The following TTLL10 variants were observed in gnomAD, a reference collection of about 807,000 sequenced individuals.
TTLL10 encodes the protein inactive polyglycylase TTLL10.
A neutral mutation model predicts 69.0 loss-of-function variants in TTLL10; 61 were observed. The ratio of observed to expected loss-of-function variants is 0.88; its 90% CI spans 0.72 to 1.09. TTLL10 has a LOEUF of 1.09. Ranked by LOEUF, TTLL10 falls within the 50% of genes least tolerant of loss-of-function variation. The pLI, the probability that TTLL10 is intolerant of heterozygous loss-of-function variation, is 0.00. For missense variants in TTLL10, 962 were observed against 945.9 expected (o/e 1.02, Z -0.22); for synonymous variants, 408 against 393.3 (o/e 1.04, Z -0.44).
intron 3 of TTLL10, among the ~76,000 whole-genome samples, chr1:1,176,979 T>C (rs1646888569): frequency 1.3e-5 from 2 of 152,186 alleles, no homozygotes; most frequent in Admixed American, 1.3e-4. Context: ...TCCCCTTTTC[T>C]CTTCCTCTGT....
At chr1:1,191,393 T>C (rs1292539650) in intron 13 of TTLL10, among the ~76,000 whole-genome samples, 2 of 152,066 alleles carry the variant, frequency 1.3e-5, no homozygotes, top group Non-Finnish European at 2.9e-5. Context: ...GGAGTTTGAG[T>C]CCAGCCTGGG....
At chr1:1,196,857 T>C (rs905953125) in intron 14 of TTLL10, 141 bp downstream of exon 14, 5 of 771,092 alleles carry the variant, frequency 6.5e-6, no homozygotes, top group African/African-American at 3.4e-5. Context: ...TGGGGATGGG[T>C]GTATCCATGA....
intron 7 of TTLL10, 33 bp from the exon 8 acceptor site, chr1:1,180,698 C>CCCTCCACA (rs765801208): frequency 6.3e-7 from 1 of 1,589,454 alleles, no homozygotes; most frequent in Non-Finnish European, 8.6e-7. Flanking sequence ...GTCCTGCGCT[C>CCCTCCACA]CCTCCACACG....
rs1215983804 is a variant in TTLL10, at chr1:1,181,769, C to A, written c.784C>A (p.Leu262Met). 1 of 1,608,610 alleles carries A rather than the reference C, an allele frequency of 6.2e-7. No individual in the cohort carries two copies. Among genetic ancestry groups the A allele is most frequent in the African/African-American group, 1.3e-5 (1 of 75,028 alleles). Reference sequence around the variant, plus strand: ...GGAAAAGGACGCAGCAGCGCCCGCCCTGGAGGACCTCCCGTGGACAAGCCC... The same window carrying A: ...GGAAAAGGACGCAGCAGCGCCCGCCATGGAGGACCTCCCGTGGACAAGCCC... ...RLEKDAAAPA[L>M]EDLPWTSPGY... is the part of the protein sequence containing the mutation. The change falls in exon 9 of 16, where the codon CTG becomes ATG. Residue 262 changes from leucine to methionine, a missense_variant. Transcript: ENST00000379289. The surrounding 1 kb of genome is among the most constrained non-coding windows in gnomAD (Gnocchi z 4.6).
rs1275970430 is a variant in TTLL10, at chr1:1,185,814, ACT to A, written c.1401+712_1401+713del. 1 of 985,104 alleles carries A rather than the reference ACT, an allele frequency of 1.0e-6. No individual in the cohort carries two copies. The allele number at this position is 985,104 out of a possible 1,614,324, so 61.0% of individuals were successfully genotyped here. A position where few individuals can be genotyped will look rare whatever the true frequency, so the allele number is the denominator to read the frequency against. ...CAGTTACTTTCCTCACATCTCCCAA[ACT>A]CTCTCTTAATTGCGATAATTCACAG... On this transcript the variant is annotated intron_variant, in intron 13 of 15. Coordinates refer to ENST00000379289, the MANE Select transcript of TTLL10 (RefSeq NM_001130045.2). The surrounding 1 kb of genome is among the most constrained non-coding windows in gnomAD (Gnocchi z 6.1).
chr1:1,183,626 G>T (rs180930839), intron 11 of TTLL10, among the ~76,000 whole-genome samples: 1 of 152,172 alleles, frequency 6.6e-6, no homozygotes, highest in Admixed American at 6.5e-5. Flanking sequence ...CCTAGCGCCC[G>T]CCTGGCGCGC....
chr1:1,179,505 C>A (rs1436987400), intron 4 of TTLL10, 152 bp from the exon 5 acceptor site: 1 of 1,349,066 alleles, frequency 7.4e-7, no homozygotes, highest in Non-Finnish European at 1.0e-6. Context: ...CCGGGCTCTG[C>A]AGGCACAGAG....
chr1:1,197,524 A>G lies in TTLL10; in HGVS notation c.1699A>G (p.Asn567Asp). The G allele has an allele frequency of 6.5e-7, 1 of 1,536,936 alleles. No individual in the cohort carries two copies. The highest frequency in any genetic ancestry group is 1.2e-5 in the South Asian group (1 of 83,314). Residue 567 changes from asparagine (N) to aspartate (D), a missense_variant, in exon 16 of 16, where the codon AAC (asparagine) becomes GAC (aspartate). Asn to Asp is a conservative substitution (Grantham distance 23, BLOSUM62 1). Transcript: ENST00000379289. ...CCAGCGCCGCTTCGTGCTCCTGCAC[A>G]ACGGTGAGGCCGACCCGCGGCCGCA... ...LSQRRFVLLHNGEADPRPHLG... is the reference protein window; with the variant it reads ...LSQRRFVLLHDGEADPRPHLG...
intron 11 of TTLL10, among the ~76,000 whole-genome samples, 180 bp downstream of exon 11, chr1:1,183,227 C>T (rs928129607): frequency 9.9e-5 from 15 of 152,160 alleles, no homozygotes; most frequent in Non-Finnish European, 1.8e-4. Context: ...CACACCAGGC[C>T]GGGGTCACAG....
chr1:1,197,070 G>A (rs1405804854), intron 14 of TTLL10, 23 bp from the exon 15 acceptor site: 2 of 1,550,538 alleles, frequency 1.3e-6, no homozygotes, highest in Admixed American at 2.0e-5. Context: ...GGGTGAGGAG[G>A]GACTGACTGG....
intron 4 of TTLL10, 128 bp downstream of exon 4, chr1:1,179,461 C>T: frequency 8.1e-7 from 1 of 1,236,568 alleles, no homozygotes; most frequent in Non-Finnish European, 1.1e-6. Flanking sequence ...ATGGCCATGC[C>T]CCGCTGCTCC....
chr1:1,176,846 C>A (rs1646884620), intron 3 of TTLL10, among the ~76,000 whole-genome samples: 1 of 152,230 alleles, frequency 6.6e-6, no homozygotes, highest in South Asian at 2.1e-4. Context: ...CCCGGTGTTG[C>A]ATTTTTAATT....
At chr1:1,174,148 C>T (rs1053641951) in intron 1 of TTLL10, 137 bp from the exon 2 acceptor site, 1 of 141,628 alleles carries the variant, frequency 7.1e-6, no homozygotes, top group African/African-American at 2.5e-5. Context: ...GGCCGGGGAA[C>T]GGTGTGTGTA....
chr1:1,183,696 C>G (rs1318850637), intron 11 of TTLL10, among the ~76,000 whole-genome samples: 1 of 152,260 alleles, frequency 6.6e-6, no homozygotes, highest in African/African-American at 2.4e-5. Context: ...GCCCTCCAGG[C>G]TCCTACTGCG....
Position 1,185,425 on chromosome 1 carries a change from C to T in TTLL10, c.1401+316C>T. On this transcript the variant is annotated intron_variant, in intron 13 of 15. Transcript: ENST00000379289. This position sits in a 1 kb window ranked among gnomAD's most constrained non-coding sequence, Gnocchi z 6.1. Reference sequence around the variant, plus strand: ...AGCCACCATGTGAAGAGTCTTTGTTCCTTTCAGATCCTCCACTTGGCAGGC... The same window carrying T: ...AGCCACCATGTGAAGAGTCTTTGTTTCTTTCAGATCCTCCACTTGGCAGGC... The T allele has an allele frequency of 8.5e-7, 1 of 1,170,258 alleles. No homozygotes were observed. Among genetic ancestry groups the T allele is most frequent in the Non-Finnish European group, 1.1e-6 (1 of 946,580 alleles). The allele number at this position is 1,170,258 out of a possible 1,614,324, so 72.5% of individuals were successfully genotyped here.
At chr1:1,180,639 G>A (rs748743938) in intron 7 of TTLL10, 38 bp downstream of exon 7, 2 of 1,552,670 alleles carry the variant, frequency 1.3e-6, no homozygotes, top group African/African-American at 2.7e-5. Context: ...CAGCCTGCAG[G>A]GGCCTCCTGG....
At chr1:1,187,141 C>T (rs1570430765) in intron 13 of TTLL10, among the ~76,000 whole-genome samples, 4 of 152,060 alleles carry the variant, frequency 2.6e-5, no homozygotes, top group Admixed American at 6.6e-5. Context: ...CCACCGCGCC[C>T]GGCCAAAAGT....
Position 1,185,846 on chromosome 1 carries a change from T to C in TTLL10, c.1401+737T>C. On this transcript the variant is annotated intron_variant, in intron 13 of 15. Coordinates refer to ENST00000379289, the MANE Select transcript of TTLL10 (RefSeq NM_001130045.2). This position sits in a 1 kb window ranked among gnomAD's most constrained non-coding sequence, Gnocchi z 6.1. ...CTTAATTGCGATAATTCACAGAACA[T>C]AAAATTCACGATCTTAAAGTGTGCA... 4.1e-6 allele frequency: 4 copies of C among 985,048 alleles called. No individual in the cohort carries two copies. The highest frequency in any genetic ancestry group is 4.8e-6 in the Non-Finnish European group (4 of 829,598). The allele number at this position is 985,048 out of a possible 1,614,324, so 61.0% of individuals were successfully genotyped here. A position where few individuals can be genotyped will look rare whatever the true frequency, so the allele number is the denominator to read the frequency against.
chr1:1,190,706 TC>T (rs1438363931), intron 13 of TTLL10, among the ~76,000 whole-genome samples: 2 of 152,186 alleles, frequency 1.3e-5, no homozygotes, highest in South Asian at 2.1e-4. Context: ...TTCAGTTTTT[TC>T]TTCTTGCTTA....
Sources: allele counts gnomAD v4.1 joint callset (sites outside exome capture counted in the v4.1 genomes callset), GRCh38; gene constraint gnomAD v4.1.1; non-coding constraint Gnocchi (gnomAD v3.1); transcripts MANE v1.5; gene names NCBI Gene and HGNC (gene_info 2026-07-23, HGNC 2026-07-21).